The following CDH13 variants were observed in gnomAD, a reference collection of about 807,000 sequenced individuals.
CDH13 encodes the protein cadherin-13.
Under a neutral mutation model 63.8 loss-of-function variants are expected in CDH13, and 24 were observed. That is an observed-to-expected ratio of 0.38 (90% CI 0.27 to 0.53). CDH13 has a LOEUF of 0.53. CDH13 is among the 20% of genes least tolerant of loss of function. The pLI is 0.85. For missense variants in CDH13, 1,049 were observed against 903.1 expected, an observed-to-expected ratio of 1.16 and a Z score of -2.07; for synonymous variants, 503 against 355.3, an observed-to-expected ratio of 1.42 and a Z score of -4.67.
intron 6 of CDH13, among the ~76,000 whole-genome samples, chr16:83,348,548 G>A (rs913154204): frequency 2.6e-5 from 4 of 152,188 alleles, no homozygotes; most frequent in African/African-American, 9.6e-5. Flanking sequence ...TTGGTTTAGC[G>A]TTCTGCTGTC....
At chr16:83,306,988 C>T (rs1055729835) in intron 5 of CDH13, among the ~76,000 whole-genome samples, 1 of 152,184 alleles carries the variant, frequency 6.6e-6, no homozygotes, top group African/African-American at 2.4e-5. Context: ...GATAGTAATG[C>T]ATACATGAGA....
intron 5 of CDH13, among the ~76,000 whole-genome samples, chr16:83,326,048 C>G (rs10514579): frequency 0.3 from 45,664 of 151,852 alleles, 7,012 homozygotes; most frequent in East Asian, 0.41. Context: ...AGAATCAAGA[C>G]TTTAAAATAG....
intron 2 of CDH13, among the ~76,000 whole-genome samples, chr16:83,008,494 G>T (rs1464704718): frequency 6.6e-6 from 1 of 152,202 alleles, no homozygotes; most frequent in Non-Finnish European, 1.5e-5. Flanking sequence ...GAGGGTGAGA[G>T]TAGCACAAAA....
rs560702693 is a variant in CDH13, at chr16:83,536,933, A to T, written c.960+50278A>T. Among the ~76,000 whole-genome samples, 14 of 152,362 alleles carry T rather than the reference A, an allele frequency of 9.2e-5. No individual in the cohort carries two copies. The South Asian group carries it at 2.9e-3, about 32-fold the overall frequency. ...CGAAATTGAAATGGGGATGTTGCGG[A>T]TGGAGGTAACTCATGCCACAGGTGT... is the stretch of plus-strand genomic sequence containing the variant. On this transcript the variant is annotated intron_variant, in intron 7 of 13. Coordinates refer to ENST00000567109, the MANE Select transcript of CDH13 (RefSeq NM_001257.5).
chr16:83,528,801 T>A (rs2151629670), intron 7 of CDH13, among the ~76,000 whole-genome samples: 1 of 152,262 alleles, frequency 6.6e-6, no homozygotes, highest in Non-Finnish European at 1.5e-5. Context: ...TCGTTTAGCA[T>A]TGGTTGTAGT....
intron 1 of CDH13, among the ~76,000 whole-genome samples, chr16:82,717,434 T>TA (rs5818399): frequency 0.1 from 12,779 of 122,780 alleles, 845 homozygotes; most frequent in African/African-American, 0.18. Context: ...AGACTTTGCC[T>TA]AAAAAAAAAA....
intron 2 of CDH13, among the ~76,000 whole-genome samples, chr16:82,876,703 G>T (rs1054811355): frequency 1.3e-5 from 2 of 152,158 alleles, no homozygotes; most frequent in Non-Finnish European, 2.9e-5. Flanking sequence ...TCAAATTCCT[G>T]GTAGAGAAGC....
At chr16:83,239,991 A>G (rs1904307564) in intron 5 of CDH13, among the ~76,000 whole-genome samples, 1 of 152,148 alleles carries the variant, frequency 6.6e-6, no homozygotes, top group Non-Finnish European at 1.5e-5. Context: ...AGCTATACAA[A>G]TATCTGTAAA....
Position 83,047,373 on chromosome 16 carries a change from C to CT in CDH13, c.366+15161dup, listed in dbSNP as rs1298995960. Among the ~76,000 whole-genome samples, 1 of 152,136 alleles carries CT rather than the reference C, an allele frequency of 6.6e-6. No homozygotes were observed. Among genetic ancestry groups the CT allele is most frequent in the Non-Finnish European group, 1.5e-5 (1 of 68,030 alleles). ...AACACAGATAATTGAGACTTGAGTG[C>CT]TTTTTTATTCCAAGTCCCTTATTCG... On this transcript the variant is annotated intron_variant, in intron 3 of 13. Coordinates refer to ENST00000567109, the MANE Select transcript of CDH13 (RefSeq NM_001257.5). The surrounding 1 kb of genome is among the most constrained non-coding windows in gnomAD (Gnocchi z 4.9).
At chr16:83,408,443 C>T (rs768701738) in intron 6 of CDH13, among the ~76,000 whole-genome samples, 13 of 152,138 alleles carry the variant, frequency 8.5e-5, no homozygotes, top group South Asian at 2.1e-4. Flanking sequence ...TTGCCTCTTG[C>T]GCCTAGGCTA....
intron 11 of CDH13, among the ~76,000 whole-genome samples, chr16:83,767,206 C>T (rs867123448): frequency 2.0e-5 from 3 of 151,670 alleles, no homozygotes; most frequent in South Asian, 2.1e-4. Flanking sequence ...CTTTGTGTTC[C>T]GATGTGGATA....
intron 1 of CDH13, among the ~76,000 whole-genome samples, chr16:82,700,642 G>A (rs2030871615): frequency 6.6e-6 from 1 of 152,016 alleles, no homozygotes; most frequent in Non-Finnish European, 1.5e-5. Context: ...CAGGTTTTCA[G>A]TCCTGTCCTA....
At chr16:82,991,067 C>T (rs1597370074) in intron 2 of CDH13, among the ~76,000 whole-genome samples, 1 of 152,312 alleles carries the variant, frequency 6.6e-6, no homozygotes, top group South Asian at 2.1e-4. Context: ...CTGCCATGCA[C>T]CTGCCATCCT....
chr16:83,337,157 T>C (rs867640477), intron 5 of CDH13, among the ~76,000 whole-genome samples: 22 of 152,226 alleles, frequency 1.4e-4, no homozygotes, highest in Admixed American at 3.3e-4. Context: ...GTGTGGTGAA[T>C]TAATTGGCTT....
At chr16:83,739,493 A>G (rs4782840) in intron 10 of CDH13, among the ~76,000 whole-genome samples, 54,719 of 151,926 alleles carry the variant, frequency 0.36, 10,733 homozygotes, top group Middle Eastern at 0.47. Context: ...ATATGACAAT[A>G]TGCTGTGTTC....
At chr16:82,719,881 C>T (rs1567464178) in intron 1 of CDH13, among the ~76,000 whole-genome samples, 1 of 148,178 alleles carries the variant, frequency 6.7e-6, no homozygotes, top group African/African-American at 2.5e-5. Flanking sequence ...CTTACTGTAC[C>T]ATATGTCCTC....
intron 7 of CDH13, among the ~76,000 whole-genome samples, chr16:83,574,056 C>T (rs1904887021): frequency 6.6e-6 from 1 of 152,054 alleles, no homozygotes; most frequent in Non-Finnish European, 1.5e-5. Context: ...TCCTTAAGCG[C>T]CGTGCCCCTC....
At chr16:83,742,722 G>T (rs1567565919) in intron 10 of CDH13, among the ~76,000 whole-genome samples, 1 of 152,178 alleles carries the variant, frequency 6.6e-6, no homozygotes, top group Non-Finnish European at 1.5e-5. Context: ...CATCGGGAAC[G>T]ATGGCTCCAC....
chr16:83,125,407 C>A lies in CDH13; in HGVS notation c.389C>A (p.Thr130Asn). The change falls in exon 4 of 14, where the codon ACT becomes AAT. Residue 130 changes from threonine to asparagine, a missense_variant. Transcript: ENST00000567109. ...TAGGATATATTTAAATTTGCAAGAA[C>A]TTCTCCTGTCCCAAGACAAAAGAGG... ...SLQDIFKFARTSPVPRQKRSI... is the reference protein window; with the variant it reads ...SLQDIFKFARNSPVPRQKRSI... 6.2e-7 allele frequency: 1 copy of A among 1,602,164 alleles called. No homozygotes were observed. The highest frequency in any genetic ancestry group is 2.2e-5 in the East Asian group (1 of 44,788).
Sources: allele counts gnomAD v4.1 joint callset (sites outside exome capture counted in the v4.1 genomes callset), GRCh38; gene constraint gnomAD v4.1.1; non-coding constraint Gnocchi (gnomAD v3.1); transcripts MANE v1.5; gene names NCBI Gene and HGNC (gene_info 2026-07-23, HGNC 2026-07-21).